The following ZMYM4 variants were observed in gnomAD, a reference collection of about 807,000 sequenced individuals.
ZMYM4 encodes the protein zinc finger MYM-type protein 4.
Under a neutral mutation model 183.2 loss-of-function variants are expected in ZMYM4, and 31 were observed. The observed-to-expected ratio is 0.17, with a 90% CI of 0.13 to 0.23. ZMYM4 has a LOEUF of 0.23. ZMYM4 is among the 10% of genes least tolerant of loss of function. The pLI, the probability that ZMYM4 is intolerant of heterozygous loss-of-function variation, is 1.00. For synonymous variants in ZMYM4, 592 were observed against 631.2 expected, an observed-to-expected ratio of 0.94 and a Z score of 0.93; for missense variants, 1,273 against 1,840.3, an observed-to-expected ratio of 0.69 and a Z score of 5.64.
At chr1:35,273,673 G>A (rs1253305695) in intron 1 of ZMYM4, among the ~76,000 whole-genome samples, 2 of 152,056 alleles carry the variant, frequency 1.3e-5, no homozygotes, top group Non-Finnish European at 2.9e-5. Flanking sequence ...CATTTTTTGT[G>A]AAAAACAAAA....
intron 1 of ZMYM4, among the ~76,000 whole-genome samples, chr1:35,285,751 T>C (rs1640450426): frequency 1.3e-5 from 2 of 152,186 alleles, no homozygotes; most frequent in Admixed American, 6.5e-5. Context: ...TTGGTATCTT[T>C]GGGGGGTCCA....
chr1:35,302,378 C>CTTTTTTTT (rs1179477732), intron 1 of ZMYM4, among the ~76,000 whole-genome samples: 3 of 86,178 alleles, frequency 3.5e-5, no homozygotes, highest in East Asian at 3.3e-4. Context: ...GCTAATTTGA[C>CTTTTTTTT]TTTTTTTTTT....
At chr1:35,320,038 G>A (rs1225924327) in intron 1 of ZMYM4, among the ~76,000 whole-genome samples, 1 of 152,154 alleles carries the variant, frequency 6.6e-6, no homozygotes, top group Admixed American at 6.6e-5. Context: ...AATATCTTTG[G>A]GCTAGTGTGA....
Position 35,358,954 on chromosome 1 carries a change from G to A in ZMYM4, c.115G>A (p.Glu39Lys), listed in dbSNP as rs1412178657. ...CGGIMDTEMS[E>K]DIDHNLTPTL... ...TGGTATCATGGATACAGAAATGTCT[G>A]AAGATATAGACCACAACTTAACTCC... The change falls in exon 3 of 30, where the codon GAA (glutamate) becomes AAA (lysine). Residue 39 changes from glutamate (E) to lysine (K), a missense_variant. Transcript: ENST00000314607. The A allele has an allele frequency of 6.2e-7, 1 of 1,613,076 alleles. No homozygotes were observed. Among genetic ancestry groups the A allele is most frequent in the Non-Finnish European group, 8.5e-7 (1 of 1,179,464 alleles).
intron 28 of ZMYM4, among the ~76,000 whole-genome samples, chr1:35,416,106 A>G (rs1470805718): frequency 6.6e-6 from 1 of 152,204 alleles, no homozygotes; most frequent in Admixed American, 6.5e-5. Flanking sequence ...TTTTTTGACC[A>G]GAGCCCCTCT....
chr1:35,382,523 A>G (rs1410448496), intron 9 of ZMYM4, among the ~76,000 whole-genome samples: 1 of 150,406 alleles, frequency 6.6e-6, no homozygotes, highest in Non-Finnish European at 1.5e-5. Flanking sequence ...GCTCACTGCA[A>G]CCTCCACCTC....
At chr1:35,383,304 A>G (rs1644506160) in intron 9 of ZMYM4, among the ~76,000 whole-genome samples, 1 of 152,066 alleles carries the variant, frequency 6.6e-6, no homozygotes, top group South Asian at 2.1e-4. Flanking sequence ...TACTTTTAAT[A>G]TTTTTAATTT....
intron 1 of ZMYM4, among the ~76,000 whole-genome samples, chr1:35,297,467 G>A (rs1641075441): frequency 6.7e-6 from 1 of 149,108 alleles, no homozygotes; most frequent in Non-Finnish European, 1.5e-5. Flanking sequence ...CTCCAGCCTG[G>A]GTGCTTGTCA....
chr1:35,342,422 A>G (rs967060760), intron 2 of ZMYM4, among the ~76,000 whole-genome samples: 1 of 151,930 alleles, frequency 6.6e-6, no homozygotes, highest in East Asian at 1.9e-4. Context: ...TGGCCTCCCA[A>G]AGTTCTGGGA....
At chr1:35,296,466 C>A (rs1158559901) in intron 1 of ZMYM4, among the ~76,000 whole-genome samples, 1 of 152,180 alleles carries the variant, frequency 6.6e-6, no homozygotes, top group Non-Finnish European at 1.5e-5. Context: ...ACTCTGTTTT[C>A]ACATGTCCCT....
intron 3 of ZMYM4, among the ~76,000 whole-genome samples, chr1:35,360,198 A>G (rs1417973317): frequency 1.8e-4 from 27 of 151,960 alleles, no homozygotes; most frequent in Non-Finnish European, 2.9e-5. Flanking sequence ...CCTTATCTAT[A>G]TTTCCACAGC....
Position 35,396,512 on chromosome 1 carries a change from C to T in ZMYM4, c.2912-40C>T, listed in dbSNP as rs370488714. ...TGAAATCTTATGAAAGCATTTCTAACCCTCTTTGCTTTTTGTGATTTTGTT... is the reference window on the plus strand; with the variant it reads ...TGAAATCTTATGAAAGCATTTCTAATCCTCTTTGCTTTTTGTGATTTTGTT... On this transcript the variant is annotated intron_variant, in intron 18 of 29. Coordinates refer to ENST00000314607, the MANE Select transcript of ZMYM4 (RefSeq NM_005095.3). 5.6e-6 allele frequency: 9 copies of T among 1,607,712 alleles called. No homozygotes were observed. The African/African-American group carries it at 6.7e-5, about 12-fold the overall frequency.
chr1:35,390,030 A>C lies in ZMYM4; in HGVS notation c.2519A>C (p.Asn840Thr). 1.9e-6 allele frequency: 3 copies of C among 1,613,980 alleles called. No homozygotes were observed. Among genetic ancestry groups the C allele is most frequent in the Non-Finnish European group, 2.5e-6 (3 of 1,179,960 alleles). Residue 840 changes from asparagine to threonine, a missense_variant, in exon 15 of 30, where the codon AAC becomes ACC. By Grantham distance (65) the Asn-to-Thr change is moderately conservative (BLOSUM62 0). Around this residue, in one of 6 missense-constraint regions of ZMYM4, gnomAD observed 290 missense variants for 353.3 expected, o/e 0.82. Transcript: ENST00000314607. ...CGAGGGGAAATGAAACATTTCTGTAACCTGCTTTGTATCTTGATGTTCTGT... is the reference window on the plus strand; with the variant it reads ...CGAGGGGAAATGAAACATTTCTGTACCCTGCTTTGTATCTTGATGTTCTGT... ...KWRGEMKHFC[N>T]LLCILMFCNQ...
At chr1:35,362,850 G>A (rs1238921582) in intron 5 of ZMYM4, among the ~76,000 whole-genome samples, 1 of 151,944 alleles carries the variant, frequency 6.6e-6, no homozygotes, top group Non-Finnish European at 1.5e-5. Flanking sequence ...CCACAGGCGT[G>A]TACCACCACA....
intron 1 of ZMYM4, among the ~76,000 whole-genome samples, chr1:35,317,642 G>A (rs1477868947): frequency 2.0e-5 from 3 of 152,186 alleles, no homozygotes; most frequent in Non-Finnish European, 4.4e-5. Flanking sequence ...GTCATAGATT[G>A]TTGATAAGTT....
At chr1:35,315,473 A>G (rs1342935369) in intron 1 of ZMYM4, among the ~76,000 whole-genome samples, 1 of 152,216 alleles carries the variant, frequency 6.6e-6, no homozygotes. Context: ...TACCTACAGC[A>G]AGTTGACAGT....
In ZMYM4 at chr1:35,335,749, C is replaced by T. The variant is rs1391524520; in HGVS notation, c.85+10344C>T. 2.0e-5 allele frequency among the ~76,000 whole-genome samples: 3 copies of T among 151,936 alleles called. No individual in the cohort carries two copies. In the East Asian group the frequency reaches 5.8e-4, roughly 29 times the overall value. Reference sequence around the variant, plus strand: ...TGGGTGGATCACGAGGTCAGGAGCTCGAGACCATCCTAGCTAACACGGTGA... The same window carrying T: ...TGGGTGGATCACGAGGTCAGGAGCTTGAGACCATCCTAGCTAACACGGTGA... On this transcript the variant is annotated intron_variant, in intron 2 of 29. Transcript: ENST00000314607.
intron 15 of ZMYM4, among the ~76,000 whole-genome samples, chr1:35,391,410 A>G (rs753938247): frequency 6.6e-6 from 1 of 152,174 alleles, no homozygotes; most frequent in African/African-American, 2.4e-5. Context: ...ACTACACACT[A>G]TGTGCTAGGC....
chr1:35,269,303 C>T (rs1480482126), intron 1 of ZMYM4, among the ~76,000 whole-genome samples: 3 of 151,524 alleles, frequency 2.0e-5, no homozygotes, highest in Non-Finnish European at 4.4e-5. Flanking sequence ...GGGAGGGGGC[C>T]GTTGTTTGCC....
Sources: gnomAD v4.1 joint callset for allele counts (sites outside exome capture counted in the v4.1 genomes callset) on GRCh38, gnomAD v4.1.1 for gene constraint, gnomAD v4.1.1 regional missense constraint, MANE v1.5 for transcripts, NCBI Gene and HGNC (gene_info 2026-07-23, HGNC 2026-07-21) for gene names.